SAMD3: variants seen among roughly 807,000 people sequenced by gnomAD.
SAMD3 encodes the protein sterile alpha motif domain containing 3.
In SAMD3, 63 loss-of-function variants were observed where a neutral mutation model predicts 58.5. The ratio of observed to expected loss-of-function variants is 1.08; its 90% CI spans 0.88 to 1.33. SAMD3 has a LOEUF of 1.33. Ranked by LOEUF, SAMD3 falls within the 40% of genes most tolerant of loss-of-function variation. SAMD3 has a pLI of 0.00. For synonymous variants in SAMD3, 220 were observed against 210.3 expected (o/e 1.05, Z -0.40); for missense variants, 604 against 608.4 (o/e 0.99, Z 0.08).
intron 2 of SAMD3, chr6:130,286,214 C>A (rs1775147636): frequency 6.6e-6 from 1 of 152,238 alleles, no homozygotes; most frequent in Non-Finnish European, 1.5e-5. Context: ...TCCTGTGGCA[C>A]CATCTGCCTT....
intron 2 of SAMD3, among the ~76,000 whole-genome samples, chr6:130,278,422 A>T (rs4084965): frequency 0.31 from 47,346 of 152,174 alleles, 7,752 homozygotes; most frequent in East Asian, 0.47. Flanking sequence ...TCTTGATAAA[A>T]CAGCTCTGTC....
At chr6:130,262,893 T>G (rs1327616793) in intron 2 of SAMD3, among the ~76,000 whole-genome samples, 6 of 152,148 alleles carry the variant, frequency 3.9e-5, no homozygotes, top group Non-Finnish European at 5.9e-5. Flanking sequence ...AGTTTTTCTG[T>G]AAACTGGACA....
rs368861571 is a variant in SAMD3, at chr6:130,364,976, TGCACCA to T, written c.-304+138_-304+143del. 1,292 of 150,110 alleles carry T rather than the reference TGCACCA, an allele frequency of 8.6e-3. 10 individuals are homozygous for T. Among genetic ancestry groups the T allele is most frequent in the Middle Eastern group, 0.04 (11 of 276 alleles). 9.3% of individuals were successfully genotyped at this position (150,110 alleles called of 1,614,324 possible). On this transcript the variant is annotated intron_variant, in intron 1 of 13. Transcript: ENST00000368134. ...CACACGCCGAAATAAACAAATACAC[TGCACCA>T]GAATATCATACTTGCCTTCTATCAC...
intron 1 of SAMD3, among the ~76,000 whole-genome samples, chr6:130,360,634 C>T (rs561916125): frequency 1.3e-5 from 2 of 152,232 alleles, no homozygotes; most frequent in African/African-American, 2.4e-5. Context: ...AATGAAGTTT[C>T]GGGCACCATT....
intron 2 of SAMD3, among the ~76,000 whole-genome samples, chr6:130,236,762 GAA>G (rs1162460390): frequency 3.3e-5 from 5 of 152,200 alleles, no homozygotes; most frequent in Non-Finnish European, 5.9e-5. Context: ...TTCATTAGAT[GAA>G]AATATTGGTG....
chr6:130,268,880 T>G (rs1004352155), intron 2 of SAMD3, among the ~76,000 whole-genome samples: 4 of 152,222 alleles, frequency 2.6e-5, no homozygotes, highest in African/African-American at 9.6e-5. Flanking sequence ...ATATGTGATT[T>G]TCCCAATATT....
chr6:130,275,935 C>G (rs1774760086), intron 2 of SAMD3, among the ~76,000 whole-genome samples: 1 of 151,940 alleles, frequency 6.6e-6, no homozygotes. Flanking sequence ...CATTCTAATA[C>G]CTAGAATCTA....
intron 2 of SAMD3, among the ~76,000 whole-genome samples, chr6:130,283,443 G>A (rs755375161): frequency 2.0e-5 from 3 of 152,046 alleles, no homozygotes; most frequent in Non-Finnish European, 4.4e-5. Context: ...CACACATAGA[G>A]CCTTATAGTA....
chr6:130,349,291 A>C lies in SAMD3; in HGVS notation c.-304+15829T>G, dbSNP rs1041529118. ...TTCAAAAAATCAATGAATCCAGGAG[A>C]TGGTTTTTTGAAAAGATCAACAAAA... On this transcript the variant is annotated intron_variant, in intron 1 of 13. Transcript: ENST00000368134. 9.9e-4 allele frequency among the ~76,000 whole-genome samples: 151 copies of C among 152,146 alleles called. 1 individual carries two copies. Among genetic ancestry groups the C allele is most frequent in the African/African-American group, 3.3e-3 (139 of 41,530 alleles).
At chr6:130,173,569 A>C (rs1791438356) in intron 8 of SAMD3, among the ~76,000 whole-genome samples, 1 of 152,200 alleles carries the variant, frequency 6.6e-6, no homozygotes, top group African/African-American at 2.4e-5. Flanking sequence ...CCAGAGGGGC[A>C]CTGGCCAGAT....
At chr6:130,149,404 C>T (rs890130691) in intron 9 of SAMD3, among the ~76,000 whole-genome samples, 5 of 152,180 alleles carry the variant, frequency 3.3e-5, no homozygotes, top group Admixed American at 6.5e-5. Context: ...TAAAGAAAGA[C>T]GCATGCACAC....
intron 10 of SAMD3, among the ~76,000 whole-genome samples, chr6:130,145,797 CTT>C (rs1056775688): frequency 1.3e-5 from 2 of 151,782 alleles, no homozygotes; most frequent in South Asian, 4.2e-4. Flanking sequence ...TGGAAAAATT[CTT>C]TTTTTTCCCC....
At chr6:130,294,909 A>ATTTTTTT (rs774036634) in intron 2 of SAMD3, among the ~76,000 whole-genome samples, 5 of 56,166 alleles carry the variant, frequency 8.9e-5, no homozygotes, top group African/African-American at 2.5e-4. Context: ...CATTTCTCTG[A>ATTTTTTT]TTTTTTTTTT....
chr6:130,292,089 A>G (rs1474352288), intron 2 of SAMD3, among the ~76,000 whole-genome samples: 1 of 152,086 alleles, frequency 6.6e-6, no homozygotes, highest in Non-Finnish European at 1.5e-5. Flanking sequence ...TTTTTGCTGC[A>G]CTTACAGAGA....
chr6:130,156,754 T>A (rs1361894407), intron 8 of SAMD3, among the ~76,000 whole-genome samples: 1 of 152,050 alleles, frequency 6.6e-6, no homozygotes, highest in Non-Finnish European at 1.5e-5. Flanking sequence ...GAGGGTTACT[T>A]GAGGCCAGGA....
At chr6:130,205,465 G>A (rs900925066) in intron 5 of SAMD3, among the ~76,000 whole-genome samples, 14 of 151,934 alleles carry the variant, frequency 9.2e-5, no homozygotes, top group Non-Finnish European at 1.9e-4. Flanking sequence ...TACCATGCCA[G>A]GCTAATTTTT....
chr6:130,319,690 T>G (rs1053790235), intron 1 of SAMD3, among the ~76,000 whole-genome samples: 5 of 152,116 alleles, frequency 3.3e-5, no homozygotes, highest in African/African-American at 1.2e-4. Flanking sequence ...TACAAAATAA[T>G]GAAGAGAATT....
At chr6:130,319,658 G>A (rs979036236) in intron 1 of SAMD3, among the ~76,000 whole-genome samples, 3 of 152,126 alleles carry the variant, frequency 2.0e-5, no homozygotes, top group African/African-American at 7.2e-5. Context: ...GGCAAATGAT[G>A]CTAGATGGAA....
Position 130,254,254 on chromosome 6 carries a change from C to T in SAMD3, c.-187-31441G>A, listed in dbSNP as rs185715048. The stretch of plus-strand genomic sequence containing the variant: ...TATTGCCCAGGCTGGAGTGCAGTGG[C>T]GTGATCTCAGCTCACTGCAAGCTCT... On this transcript the variant is annotated intron_variant, in intron 2 of 13. Transcript: ENST00000368134. Among the ~76,000 whole-genome samples, 352 of 152,044 alleles carry T rather than the reference C, an allele frequency of 2.3e-3. 4 individuals carry two copies. The highest frequency in any genetic ancestry group is 8.1e-3 in the African/African-American group (336 of 41,444).
Sources: allele counts gnomAD v4.1 joint callset (sites outside exome capture counted in the v4.1 genomes callset), GRCh38; gene constraint gnomAD v4.1.1; transcripts MANE v1.5; gene names NCBI Gene and HGNC (gene_info 2026-07-23, HGNC 2026-07-21).